The following PIK3C2G variants were observed in gnomAD, a reference collection of about 807,000 sequenced individuals.
The protein encoded by PIK3C2G is phosphatidylinositol-4-phosphate 3-kinase catalytic subunit type 2 gamma.
A neutral mutation model predicts 181.1 loss-of-function variants in PIK3C2G; 168 were observed. That is an observed-to-expected ratio of 0.93 (90% CI 0.82 to 1.05). The LOEUF is 1.05. Among genes scored for constraint, PIK3C2G ranks in the 50% least tolerant of loss-of-function variants. The pLI is 0.00. For synonymous variants in PIK3C2G, 573 were observed against 592.2 expected, an observed-to-expected ratio of 0.97 and a Z score of 0.47; for missense variants, 1,869 against 1,732.8, an observed-to-expected ratio of 1.08 and a Z score of -1.40.
chr12:18,289,594 A>G (rs1026429125), intron 3 of PIK3C2G, among the ~76,000 whole-genome samples: 9 of 152,206 alleles, frequency 5.9e-5, no homozygotes, highest in Non-Finnish European at 8.8e-5. Flanking sequence ...CAGCAACAGC[A>G]GCAGCTTACT....
intron 18 of PIK3C2G, among the ~76,000 whole-genome samples, chr12:18,438,125 T>C (rs1946546619): frequency 6.6e-6 from 1 of 151,900 alleles, no homozygotes; most frequent in Admixed American, 6.6e-5. Context: ...CTCAATAAAT[T>C]AATTTTAAAC....
chr12:18,261,822 C>T (rs1486814602), intron 1 of PIK3C2G, among the ~76,000 whole-genome samples: 3 of 151,594 alleles, frequency 2.0e-5, no homozygotes, highest in African/African-American at 7.3e-5. Flanking sequence ...TCTCTCTTTC[C>T]CCCCTCCCTC....
chr12:18,438,106 C>A (rs1946545257), intron 18 of PIK3C2G, among the ~76,000 whole-genome samples: 1 of 151,816 alleles, frequency 6.6e-6, no homozygotes, highest in Non-Finnish European at 1.5e-5. Context: ...ATTTTTCCAA[C>A]CCTTTTGTCT....
Position 18,641,743 on chromosome 12 carries a change from C to CTTTTTTTTTTTTTTTT in PIK3C2G, c.4308+1194_4308+1209dup, listed in dbSNP as rs11285609. ...AAAACCCTGGCTTCTCTCTCTCAAG[C>CTTTTTTTTTTTTTTTT]TTTTTTTTTTTTTTTTTTTTGAGAT... On this transcript the variant is annotated intron_variant, in intron 32 of 32. Transcript: ENST00000538779. 3.2e-4 allele frequency among the ~76,000 whole-genome samples: 30 copies of CTTTTTTTTTTTTTTTT among 93,176 alleles called. 3 individuals are homozygous for CTTTTTTTTTTTTTTTT. Among genetic ancestry groups the CTTTTTTTTTTTTTTTT allele is most frequent in the African/African-American group, 1.3e-3 (26 of 20,346 alleles). 61.1% of individuals were successfully genotyped at this position (93,176 alleles called of 152,430 possible). A position where few individuals can be genotyped will look rare whatever the true frequency, so the allele number is the denominator to read the frequency against.
chr12:18,415,956 G>GA (rs1945152048), intron 16 of PIK3C2G, among the ~76,000 whole-genome samples: 1 of 152,252 alleles, frequency 6.6e-6, no homozygotes, highest in Non-Finnish European at 1.5e-5. Context: ...TAAGGTTTAA[G>GA]AAAAAAGCCG....
At chr12:18,534,672 T>C (rs938997979) in intron 24 of PIK3C2G, among the ~76,000 whole-genome samples, 2 of 118,040 alleles carry the variant, frequency 1.7e-5, no homozygotes, top group Non-Finnish European at 3.4e-5. Flanking sequence ...CTCTTGAAAA[T>C]CATACGGGTC....
rs367931533 is a variant in PIK3C2G, at chr12:18,296,813, A to G, written c.1034+2798A>G. 2.6e-5 allele frequency among the ~76,000 whole-genome samples: 4 copies of G among 152,088 alleles called. No homozygotes were observed. The East Asian group carries it at 5.8e-4, about 22-fold the overall frequency. On this transcript the variant is annotated intron_variant, in intron 5 of 32. Coordinates refer to ENST00000538779, the MANE Select transcript of PIK3C2G (RefSeq NM_001288772.2). The stretch of plus-strand genomic sequence containing the variant: ...ACAATATATAATGAACACAGAGCAA[A>G]TTAAAGAATCAGAACATGAACTATC...
At chr12:18,416,129 C>T (rs1945164058) in intron 16 of PIK3C2G, among the ~76,000 whole-genome samples, 1 of 152,108 alleles carries the variant, frequency 6.6e-6, no homozygotes, top group Non-Finnish European at 1.5e-5. Flanking sequence ...CCTAAAATCC[C>T]AGCTACTCAG....
intron 29 of PIK3C2G, among the ~76,000 whole-genome samples, chr12:18,590,051 A>C (rs964437568): frequency 2.6e-5 from 4 of 151,794 alleles, no homozygotes; most frequent in African/African-American, 9.7e-5. Context: ...TACTGATTCC[A>C]AACAATCATT....
the PIK3C2G span, chr12:18,683,085 T>A: frequency 1.4e-5 from 10 of 701,056 alleles, no homozygotes; most frequent in East Asian, 2.8e-4. Flanking sequence ...CTTCCACTGA[T>A]TTATTTTTGT....
At chr12:18,671,199 A>AG in the PIK3C2G span, among the ~76,000 whole-genome samples, 3 of 151,640 alleles carry the variant, frequency 2.0e-5, no homozygotes, top group African/African-American at 2.4e-5. Flanking sequence ...AAAAAAAAAA[A>AG]AAAGAAAGAA....
At chr12:18,400,308 C>T (rs1487930165) in intron 16 of PIK3C2G, among the ~76,000 whole-genome samples, 1 of 152,150 alleles carries the variant, frequency 6.6e-6, no homozygotes, top group Non-Finnish European at 1.5e-5. Flanking sequence ...TCCTTGAGAT[C>T]TTCACTCAGA....
At chr12:18,379,192 G>A (rs987833945) in intron 13 of PIK3C2G, among the ~76,000 whole-genome samples, 1 of 151,902 alleles carries the variant, frequency 6.6e-6, no homozygotes, top group Non-Finnish European at 1.5e-5. Context: ...CCATAAAAAA[G>A]GATGAGTTCA....
chr12:18,694,854 C>A, the PIK3C2G span: 5 of 1,314,560 alleles, frequency 3.8e-6, no homozygotes, highest in Non-Finnish European at 5.3e-6. Flanking sequence ...TACTAATGTA[C>A]ACTATCTAGT....
chr12:18,488,531 A>G lies in PIK3C2G; in HGVS notation c.2587A>G (p.Lys863Glu). The change falls in exon 19 of 33, where the codon AAA (lysine) becomes GAA (glutamate). Residue 863 changes from lysine to glutamate, a missense_variant. Lys to Glu is a moderately conservative substitution (Grantham distance 56). Coordinates refer to ENST00000538779, the MANE Select transcript of PIK3C2G (RefSeq NM_001288772.2). ...LLAALQFCAG[K>E]ALNDEFSKEQ... ...AGCTGCTCTCCAATTCTGTGCAGGTAAAGCCTTGAATGATGAGTTTTCCAA... is the reference window on the plus strand; with the variant it reads ...AGCTGCTCTCCAATTCTGTGCAGGTGAAGCCTTGAATGATGAGTTTTCCAA... The G allele has an allele frequency of 6.3e-7, 1 of 1,592,970 alleles. No individual in the cohort carries two copies. The highest frequency in any genetic ancestry group is 1.4e-5 in the African/African-American group (1 of 73,780).
chr12:18,331,490 T>C (rs776143684), intron 8 of PIK3C2G, among the ~76,000 whole-genome samples: 8 of 152,128 alleles, frequency 5.3e-5, no homozygotes, highest in Admixed American at 1.3e-4. Flanking sequence ...GGAGTGGAAC[T>C]CACTTTCATA....
intron 18 of PIK3C2G, among the ~76,000 whole-genome samples, chr12:18,460,730 A>C (rs553211245): frequency 6.6e-6 from 1 of 151,498 alleles, no homozygotes; most frequent in South Asian, 2.1e-4. Context: ...AAAATTAGAA[A>C]ACGCAGATTA....
At chr12:18,711,603 C>T in the PIK3C2G span, among the ~76,000 whole-genome samples, 134,905 of 150,842 alleles carry the variant, frequency 0.89, 60,396 homozygotes, top group East Asian at 1. Flanking sequence ...ACTGAGGGGA[C>T]TGAGAGAAGG....
the PIK3C2G span, among the ~76,000 whole-genome samples, chr12:18,702,729 T>G: frequency 6.6e-6 from 1 of 152,124 alleles, no homozygotes; most frequent in Non-Finnish European, 1.5e-5. Flanking sequence ...ATCAGAATCT[T>G]GAATTGTGGG....
Sources: allele counts gnomAD v4.1 joint callset (sites outside exome capture counted in the v4.1 genomes callset), GRCh38; gene constraint gnomAD v4.1.1; transcripts MANE v1.5; gene names NCBI Gene and HGNC (gene_info 2026-07-23, HGNC 2026-07-21).